Variants in STK3 observed in about 807,000 individuals in gnomAD.
The protein encoded by STK3 is serine/threonine kinase 3, also known as serine/threonine-protein kinase 3.
In STK3, 41 loss-of-function variants were observed where a neutral mutation model predicts 58.0. The observed-to-expected ratio is 0.71, with a 90% confidence interval of 0.55 to 0.92. The LOEUF (loss-of-function observed/expected upper bound fraction) is 0.92. Among genes scored for constraint, STK3 ranks in the 40% least tolerant of loss-of-function variants. STK3 has a pLI of 0.00. For missense variants in STK3, 479 were observed against 602.7 expected (o/e 0.79, Z 2.15); for synonymous variants, 170 against 191.0 (o/e 0.89, Z 0.91).
chr8:98,880,430 C>G (rs1837752161), downstream of STK3: 1 of 152,136 alleles, frequency 6.6e-6, no homozygotes, highest in Non-Finnish European at 1.5e-5. Flanking sequence ...CAACGTGATA[C>G]TTTGTAAAAA....
At chr8:98,714,976 C>G (rs184088231) in intron 4 of STK3, among the ~76,000 whole-genome samples, 3 of 152,154 alleles carry the variant, frequency 2.0e-5, no homozygotes, top group South Asian at 4.2e-4. Context: ...GAAATAATGC[C>G]GCATATCTAC....
intron 3 of STK3, among the ~76,000 whole-genome samples, chr8:98,876,695 C>G (rs978041348): frequency 1.3e-5 from 2 of 152,214 alleles, no homozygotes; most frequent in Non-Finnish European, 2.9e-5. Flanking sequence ...GGAACAATGA[C>G]TTGCTCCTAG....
intron 4 of STK3, among the ~76,000 whole-genome samples, chr8:98,740,469 C>T (rs1829097520): frequency 6.6e-6 from 1 of 152,148 alleles, no homozygotes; most frequent in Non-Finnish European, 1.5e-5. Flanking sequence ...AATTTTTAAA[C>T]CAGAATTTCA....
rs557202847 is a variant in STK3 at position 98,811,572 on chromosome 8, T to C, written c.26+13943A>G. Among the ~76,000 whole-genome samples the C allele has an allele frequency of 7.7e-3, 1,157 of 149,610 alleles. 16 individuals are homozygous for C. Among genetic ancestry groups the C allele is most frequent in the Non-Finnish European group, 0.011 (730 of 67,558 alleles). Reference sequence around the variant, plus strand: ...AAAAAAAAAAAAACCTCTTGTACCCTAGCAGTTTCATCTTGAATACTGTTA... The same window carrying C: ...AAAAAAAAAAAAACCTCTTGTACCCCAGCAGTTTCATCTTGAATACTGTTA... On this transcript the variant is annotated intron_variant, in intron 1 of 10. Coordinates refer to ENST00000419617, the MANE Select transcript of STK3 (RefSeq NM_006281.4).
the STK3 span, among the ~76,000 whole-genome samples, chr8:98,347,222 AC>A: frequency 6.6e-6 from 1 of 151,846 alleles, no homozygotes; most frequent in African/African-American, 2.4e-5. Context: ...TTTTTAAAAA[AC>A]CAGCGTATTG....
At chr8:98,895,743 G>A (rs1377616988) in intron 1 of STK3, among the ~76,000 whole-genome samples, 1 of 152,130 alleles carries the variant, frequency 6.6e-6, no homozygotes. Context: ...TGCTGATTGT[G>A]TTGATCCTGG....
At chr8:98,618,568 T>C (rs1344580034) in intron 6 of STK3, among the ~76,000 whole-genome samples, 13 of 148,554 alleles carry the variant, frequency 8.8e-5, no homozygotes, top group African/African-American at 2.0e-4. Context: ...GAAAACCCCA[T>C]TGTCTCAGCC....
intron 1 of STK3, chr8:98,889,849 G>A (rs1167529650): frequency 6.6e-6 from 1 of 152,140 alleles, no homozygotes; most frequent in Non-Finnish European, 1.5e-5. Flanking sequence ...CACCGGTTCT[G>A]GATTACACTT....
chr8:98,776,916 G>A (rs1398852563), intron 1 of STK3, among the ~76,000 whole-genome samples: 1 of 152,072 alleles, frequency 6.6e-6, no homozygotes, highest in East Asian at 1.9e-4. Flanking sequence ...CAGGCATGGT[G>A]GCGGGTACCT....
rs540960459 is a variant in STK3, at chr8:98,372,593, G to A, written n.112-915C>T. 1.4e-3 allele frequency among the ~76,000 whole-genome samples: 208 copies of A among 151,716 alleles called. 1 individual carries two copies. Among genetic ancestry groups the A allele is most frequent in the Middle Eastern group, 3.4e-3 (1 of 294 alleles). On this transcript the variant is annotated intron_variant and non_coding_transcript_variant, in intron 2 of 2. Coordinates refer to the STK3 transcript ENST00000518704. ...CTCTGAACATCCTTCACTGACGTGA[G>A]AGATAATACAAACAGCTTTCTGTTA...
intron 1 of STK3, among the ~76,000 whole-genome samples, chr8:98,789,775 C>A (rs1832689857): frequency 6.6e-6 from 1 of 152,052 alleles, no homozygotes; most frequent in Admixed American, 6.6e-5. Flanking sequence ...AAATTACAAA[C>A]AAGGCACCTG....
At chr8:98,345,539 CA>C in the STK3 span, among the ~76,000 whole-genome samples, 1 of 151,654 alleles carries the variant, frequency 6.6e-6, no homozygotes, top group Non-Finnish European at 1.5e-5. Flanking sequence ...AAAGGCGGTC[CA>C]AAAAAGAGCC....
At chr8:98,653,596 A>G (rs891941643) in intron 6 of STK3, among the ~76,000 whole-genome samples, 65 of 152,300 alleles carry the variant, frequency 4.3e-4, no homozygotes, top group Non-Finnish European at 1.9e-4. Context: ...CAAGACTAAT[A>G]AAGAAGAAAA....
chr8:98,639,839 G>A (rs1021736103), intron 6 of STK3, among the ~76,000 whole-genome samples: 8 of 152,086 alleles, frequency 5.3e-5, no homozygotes, highest in South Asian at 4.2e-4. Context: ...GGCCAGGCGC[G>A]GTGGCTCACG....
the STK3 span, among the ~76,000 whole-genome samples, chr8:98,354,700 A>C: frequency 6.6e-6 from 1 of 152,238 alleles, no homozygotes; most frequent in Non-Finnish European, 1.5e-5. Flanking sequence ...GACATCATCA[A>C]ATGGCTGCCT....
intron 3 of STK3, among the ~76,000 whole-genome samples, chr8:98,418,196 G>A (rs1372547319): frequency 1.3e-5 from 2 of 152,204 alleles, no homozygotes; most frequent in African/African-American, 4.8e-5. Context: ...ACAGGCATGA[G>A]CCACTGTGTC....
intron 3 of STK3, among the ~76,000 whole-genome samples, chr8:98,414,645 G>A (rs755937459): frequency 9.2e-5 from 14 of 152,124 alleles, no homozygotes; most frequent in South Asian, 2.1e-4. Context: ...TCTTCACCCC[G>A]CCTGATTCCT....
At chr8:98,583,624 A>G (rs1367707517) in intron 7 of STK3, among the ~76,000 whole-genome samples, 2 of 152,142 alleles carry the variant, frequency 1.3e-5, no homozygotes, top group African/African-American at 4.8e-5. Flanking sequence ...AAACAGTTAC[A>G]TGGTAATGAA....
chr8:98,381,594 G>T (rs1817734110), intron 1 of STK3, among the ~76,000 whole-genome samples: 1 of 152,232 alleles, frequency 6.6e-6, no homozygotes, highest in African/African-American at 2.4e-5. Context: ...TTGGGAGTCA[G>T]TTCTTAGGGA....
Sources: allele counts gnomAD v4.1 joint callset (sites outside exome capture counted in the v4.1 genomes callset), GRCh38; gene constraint gnomAD v4.1.1; transcripts MANE v1.5; gene names NCBI Gene and HGNC (gene_info 2026-07-23, HGNC 2026-07-21).